Variants in SPTLC2 observed in about 807,000 individuals in gnomAD.
SPTLC2 encodes serine palmitoyltransferase long chain base subunit 2, also known as serine palmitoyltransferase 2.
SPTLC2 carries 21 observed loss-of-function variants against 62.0 expected under a neutral mutation model. The observed-to-expected ratio is 0.34, with a 90% CI of 0.24 to 0.49. The LOEUF (loss-of-function observed/expected upper bound fraction) is 0.49, where lower values mean the gene tolerates loss of function less well. Among genes scored for constraint, SPTLC2 ranks in the 20% least tolerant of loss-of-function variants. The pLI is 0.99. For synonymous variants in SPTLC2, 261 were observed against 261.8 expected (o/e 1.00, Z 0.03); for missense variants, 511 against 713.0 (o/e 0.72, Z 3.23).
chr14:77,602,888 A>G (rs1392580922), intron 1 of SPTLC2, among the ~76,000 whole-genome samples: 1 of 152,194 alleles, frequency 6.6e-6, no homozygotes, highest in Non-Finnish European at 1.5e-5. Context: ...CTACAAGTTT[A>G]TTCAGATTTT....
intron 2 of SPTLC2, among the ~76,000 whole-genome samples, chr14:77,590,713 A>G (rs1434025459): frequency 6.6e-6 from 1 of 152,230 alleles, no homozygotes; most frequent in African/African-American, 2.4e-5. Flanking sequence ...CACTGTCTCA[A>G]GAAAATAAAA....
chr14:77,539,146 A>ATATTAT (rs60237078), intron 9 of SPTLC2, among the ~76,000 whole-genome samples: 29,378 of 151,746 alleles, frequency 0.19, 3,628 homozygotes, highest in African/African-American at 0.35. Context: ...AAGATCATTT[A>ATATTAT]TATTATTTTC....
chr14:77,531,977 A>AT (rs2079443236), intron 9 of SPTLC2, among the ~76,000 whole-genome samples: 1 of 152,236 alleles, frequency 6.6e-6, no homozygotes, highest in Admixed American at 6.5e-5. Flanking sequence ...CAAAAATGGA[A>AT]TTGAGGTTAA....
chr14:77,522,715 G>T (rs1375339698), intron 9 of SPTLC2, among the ~76,000 whole-genome samples: 3 of 152,104 alleles, frequency 2.0e-5, no homozygotes, highest in Non-Finnish European at 4.4e-5. Flanking sequence ...GCTTGGAAAG[G>T]GCTAAGAACT....
chr14:77,595,130 G>A (rs1211381944), intron 2 of SPTLC2, among the ~76,000 whole-genome samples: 10 of 152,202 alleles, frequency 6.6e-5, no homozygotes, highest in South Asian at 2.1e-4. Context: ...TTGGGAGGCC[G>A]AGGCAGGTGG....
chr14:77,518,018 A>G lies in SPTLC2; in HGVS notation c.1569+20T>C. ...TTTAATAAAAGGCATATTTATATCA[A>G]GGTGAAAGTGCCTACTTACAGTATC... On this transcript the variant is annotated intron_variant, in intron 11 of 11. Transcript: ENST00000216484. The G allele has an allele frequency of 1.2e-6, 2 of 1,614,166 alleles. No homozygotes were observed. Among genetic ancestry groups the G allele is most frequent in the Non-Finnish European group, 1.7e-6 (2 of 1,180,006 alleles).
At chr14:77,589,789 C>CCA (rs10627978) in intron 2 of SPTLC2, among the ~76,000 whole-genome samples, 10,716 of 146,132 alleles carry the variant, frequency 0.073, 432 homozygotes, top group Middle Eastern at 0.13. Context: ...GAGTCCGTCT[C>CCA]CACACACACA....
chr14:77,599,643 T>C (rs1349477463), intron 1 of SPTLC2, among the ~76,000 whole-genome samples: 5 of 152,268 alleles, frequency 3.3e-5, no homozygotes, highest in African/African-American at 1.2e-4. Flanking sequence ...CAAACTCATT[T>C]GGGTCTTCAT....
intron 1 of SPTLC2, among the ~76,000 whole-genome samples, chr14:77,614,968 T>TG (rs1555379471): frequency 5.0e-5 from 7 of 140,688 alleles, no homozygotes; most frequent in Non-Finnish European, 9.1e-5. Flanking sequence ...CAAAACTGTC[T>TG]GAAAAAAAAA....
chr14:77,539,201 G>T (rs1031258262), intron 9 of SPTLC2, among the ~76,000 whole-genome samples: 2 of 150,962 alleles, frequency 1.3e-5, no homozygotes, highest in African/African-American at 2.4e-5. Context: ...ATATTTTAAG[G>T]CCTATTCTTC....
chr14:77,585,765 T>G (rs183022284), intron 2 of SPTLC2, among the ~76,000 whole-genome samples: 108 of 152,320 alleles, frequency 7.1e-4, no homozygotes, highest in Non-Finnish European at 1.3e-3. Flanking sequence ...GGAGAAAAAT[T>G]TAAATCTACA....
chr14:77,533,960 AC>A (rs1027568125), intron 9 of SPTLC2, among the ~76,000 whole-genome samples: 1 of 152,038 alleles, frequency 6.6e-6, no homozygotes, highest in African/African-American at 2.4e-5. Flanking sequence ...GGAGTTCAAG[AC>A]CAGCCTGGGC....
At chr14:77,521,405 G>C (rs759995775) in intron 10 of SPTLC2, 41 bp downstream of exon 10, 1 of 1,613,850 alleles carries the variant, frequency 6.2e-7, no homozygotes, top group African/African-American at 1.3e-5. Flanking sequence ...TCACAGATAA[G>C]GATAAGGACA....
At chr14:77,615,024 C>G (rs1467279017) in intron 1 of SPTLC2, among the ~76,000 whole-genome samples, 1 of 151,856 alleles carries the variant, frequency 6.6e-6, no homozygotes, top group Non-Finnish European at 1.5e-5. Context: ...ATGAAATTCA[C>G]CTGCAAATGT....
chr14:77,590,667 G>A (rs1056373903), intron 2 of SPTLC2, among the ~76,000 whole-genome samples: 6 of 152,130 alleles, frequency 3.9e-5, no homozygotes, highest in African/African-American at 7.2e-5. Flanking sequence ...AGCCGAGATC[G>A]CGCCATTGCA....
chr14:77,529,397 A>C (rs911506404), intron 9 of SPTLC2, among the ~76,000 whole-genome samples: 3 of 151,404 alleles, frequency 2.0e-5, no homozygotes, highest in African/African-American at 7.3e-5. Context: ...TCTCTATTGA[A>C]ATCTAAAACT....
intron 5 of SPTLC2, among the ~76,000 whole-genome samples, chr14:77,567,022 G>A (rs948463689): frequency 7.2e-5 from 11 of 151,940 alleles, no homozygotes; most frequent in African/African-American, 2.7e-4. Flanking sequence ...CCAGGCTGGA[G>A]TGCAGTGGCC....
chr14:77,558,517 C>T (rs1382739630), intron 6 of SPTLC2, among the ~76,000 whole-genome samples: 1 of 152,132 alleles, frequency 6.6e-6, no homozygotes, highest in Non-Finnish European at 1.5e-5. Context: ...ACTGTGCTTA[C>T]ACATTCAGTA....
intron 2 of SPTLC2, among the ~76,000 whole-genome samples, chr14:77,591,164 T>C (rs369633133): frequency 3.2e-4 from 49 of 152,354 alleles, no homozygotes; most frequent in African/African-American, 1.1e-3. Flanking sequence ...CGATACATGC[T>C]ACAACATGAA....
Sources: allele counts gnomAD v4.1 joint callset (sites outside exome capture counted in the v4.1 genomes callset), GRCh38; gene constraint gnomAD v4.1.1; transcripts MANE v1.5; gene names NCBI Gene and HGNC (gene_info 2026-07-23, HGNC 2026-07-21).